NPHP4: variants seen among roughly 807,000 people sequenced by gnomAD.
NPHP4 encodes the protein nephrocystin-4.
A neutral mutation model predicts 155.8 loss-of-function variants in NPHP4; 151 were observed. The ratio of observed to expected loss-of-function variants is 0.97; its 90% CI spans 0.85 to 1.11. NPHP4 has a LOEUF of 1.11. Among genes scored for constraint, NPHP4 ranks in the 50% least tolerant of loss-of-function variants. The pLI is 0.00. For synonymous variants in NPHP4, 845 were observed against 816.8 expected, an observed-to-expected ratio of 1.03 and a Z score of -0.59; for missense variants, 1,956 against 1,925.7, an observed-to-expected ratio of 1.02 and a Z score of -0.29.
intron 11 of NPHP4, among the ~76,000 whole-genome samples, chr1:5,912,557 A>T (rs1482447756): frequency 1.0e-5 from 1 of 98,798 alleles, no homozygotes; most frequent in East Asian, 2.2e-4. Context: ...AAAAAAAAAG[A>T]AAAAAGAAAA....
intron 16 of NPHP4, among the ~76,000 whole-genome samples, chr1:5,900,019 C>T (rs1421873308): frequency 6.6e-6 from 1 of 152,230 alleles, no homozygotes; most frequent in Non-Finnish European, 1.5e-5. Context: ...GACACCACTG[C>T]ACTGCCTGCT....
intron 1 of NPHP4, among the ~76,000 whole-genome samples, chr1:5,988,666 T>C (rs1655819861): frequency 6.6e-6 from 1 of 152,132 alleles, no homozygotes; most frequent in South Asian, 2.1e-4. Flanking sequence ...TTGAGAAGGG[T>C]TGTGCTAATG....
At chr1:5,974,303 C>A (rs1239136280) in intron 3 of NPHP4, among the ~76,000 whole-genome samples, 2 of 152,174 alleles carry the variant, frequency 1.3e-5, no homozygotes, top group Admixed American at 6.5e-5. Flanking sequence ...GAAAGATTCC[C>A]TTGATGGGGG....
intron 2 of NPHP4, among the ~76,000 whole-genome samples, chr1:5,980,632 C>A (rs1420975993): frequency 6.6e-6 from 1 of 151,968 alleles, no homozygotes; most frequent in Non-Finnish European, 1.5e-5. Flanking sequence ...AGGAAGCAGG[C>A]ACCGCTGGGC....
chr1:5,907,592 C>A (rs1644972970), intron 12 of NPHP4, among the ~76,000 whole-genome samples: 1 of 152,246 alleles, frequency 6.6e-6, no homozygotes, highest in Admixed American at 6.5e-5. Context: ...CCAGTTCTAG[C>A]CGCCTGCGTT....
At chr1:5,888,234 C>G (rs1643919759) in intron 17 of NPHP4, 3 of 670,262 alleles carry the variant, frequency 4.5e-6, no homozygotes. Flanking sequence ...GATTCCACGG[C>G]TCAGCACTCT....
intron 3 of NPHP4, among the ~76,000 whole-genome samples, chr1:5,976,736 T>C (rs1653662400): frequency 6.6e-6 from 1 of 152,128 alleles, no homozygotes; most frequent in Non-Finnish European, 1.5e-5. Context: ...ACCTCTGGGG[T>C]CATTCTCTCC....
At chr1:5,909,107 T>C (rs753755647) in intron 12 of NPHP4, 45 bp downstream of exon 12, 30 of 1,460,928 alleles carry the variant, frequency 2.1e-5, no homozygotes, top group Middle Eastern at 3.4e-4. Context: ...TTGCAAGTAA[T>C]TGACTCTGGA....
At chr1:5,942,684 G>C (rs112837404) in intron 9 of NPHP4, among the ~76,000 whole-genome samples, 35 of 151,708 alleles carry the variant, frequency 2.3e-4, no homozygotes, top group African/African-American at 8.2e-4. Flanking sequence ...ACTGGACACG[G>C]TACTGGAGGA....
At position 5,961,830 on chromosome 1, in the gene NPHP4, G is replaced by C. The variant is rs761724605; in HGVS notation, c.637C>G (p.Gln213Glu). The stretch of plus-strand genomic sequence containing the variant: ...TGAGCTGGAAGCAGGCCAGGTATCT[G>C]CTGCAGACCAGACACCAGAAGGTTC... The part of the protein sequence containing the change: ...PENLLVSGLQ[Q>E]IPGLLPAHGE... The change falls in exon 6 of 30, where the codon CAG (glutamine) becomes GAG (glutamate). Residue 213 changes from glutamine (Q) to glutamate (E), a missense_variant. Transcript: ENST00000378156. 3.1e-6 allele frequency: 5 copies of C among 1,613,290 alleles called. No individual in the cohort carries two copies. The East Asian group carries it at 1.1e-4, about 36-fold the overall frequency.
intron 11 of NPHP4, among the ~76,000 whole-genome samples, chr1:5,923,189 G>A (rs1223805015): frequency 3.3e-5 from 5 of 152,196 alleles, no homozygotes; most frequent in African/African-American, 4.8e-5. Context: ...GATCGGCCCC[G>A]GTGGGGATGA....
chr1:5,862,999 G>C lies in NPHP4; in HGVS notation c.*266C>G. 5.7e-6 allele frequency: 3 copies of C among 526,766 alleles called. No homozygotes were observed. Among genetic ancestry groups the C allele is most frequent in the Non-Finnish European group, 1.0e-5 (3 of 292,750 alleles). The allele number at this position is 526,766 out of a possible 1,614,324, so 32.6% of individuals were successfully genotyped here. A position where few individuals can be genotyped will look rare whatever the true frequency, so the allele number is the denominator to read the frequency against. Reference sequence around the variant, plus strand: ...CGATAACGAGGGTCCCACATGCGTAGATGGCAGCACCAGAGCCAGACCCAC... The same window carrying C: ...CGATAACGAGGGTCCCACATGCGTACATGGCAGCACCAGAGCCAGACCCAC... On this transcript the variant is annotated 3_prime_UTR_variant, in exon 30 of 30. Coordinates refer to ENST00000378156, the MANE Select transcript of NPHP4 (RefSeq NM_015102.5).
At chr1:5,943,033 C>T (rs1646906784) in intron 9 of NPHP4, among the ~76,000 whole-genome samples, 1 of 152,194 alleles carries the variant, frequency 6.6e-6, no homozygotes, top group Admixed American at 6.5e-5. Flanking sequence ...GGAGCCCACA[C>T]TTGCATGCAT....
chr1:5,917,568 T>C (rs902449948), intron 11 of NPHP4, among the ~76,000 whole-genome samples: 1 of 152,070 alleles, frequency 6.6e-6, no homozygotes, highest in African/African-American at 2.4e-5. Flanking sequence ...CTATTTTGAG[T>C]CAGGTTTCTA....
At chr1:5,928,228 C>G (rs1435471693) in intron 10 of NPHP4, among the ~76,000 whole-genome samples, 2 of 152,168 alleles carry the variant, frequency 1.3e-5, no homozygotes, top group East Asian at 3.9e-4. Flanking sequence ...ATGCCTAACC[C>G]GGGCAATCTA....
intron 13 of NPHP4, among the ~76,000 whole-genome samples, chr1:5,906,527 A>G (rs1361038463): frequency 1.3e-5 from 2 of 152,282 alleles, no homozygotes; most frequent in Non-Finnish European, 2.9e-5. Flanking sequence ...GCAGAGACTC[A>G]TGGTGCTAGG....
At chr1:5,941,863 C>G (rs944809560) in intron 9 of NPHP4, among the ~76,000 whole-genome samples, 1 of 152,098 alleles carries the variant, frequency 6.6e-6, no homozygotes, top group Non-Finnish European at 1.5e-5. Flanking sequence ...ACAGGGGGCC[C>G]TGGGGACAGG....
At chr1:5,932,837 C>T (rs1201271166) in intron 10 of NPHP4, among the ~76,000 whole-genome samples, 3 of 152,124 alleles carry the variant, frequency 2.0e-5, no homozygotes, top group Non-Finnish European at 4.4e-5. Flanking sequence ...ACATGAGGCC[C>T]AAGCTCCAAT....
At chr1:5,885,652 A>T (rs751642706) in intron 18 of NPHP4, among the ~76,000 whole-genome samples, 1 of 152,192 alleles carries the variant, frequency 6.6e-6, no homozygotes, top group Non-Finnish European at 1.5e-5. Flanking sequence ...AGGAACATGC[A>T]CTGTGAATGC....
Sources: gnomAD v4.1 joint callset for allele counts (sites outside exome capture counted in the v4.1 genomes callset) on GRCh38, gnomAD v4.1.1 for gene constraint, MANE v1.5 for transcripts, NCBI Gene and HGNC (gene_info 2026-07-23, HGNC 2026-07-21) for gene names.